Variants in SUSD6 observed in about 807,000 individuals in gnomAD.
SUSD6 encodes sushi domain containing 6, also known as sushi domain-containing protein 6.
In SUSD6, 16 loss-of-function variants were observed where a neutral mutation model predicts 28.4. That is an observed-to-expected ratio of 0.56 (90% CI 0.38 to 0.86). The LOEUF is 0.86. SUSD6 is among the 40% of genes least tolerant of loss of function. The pLI is 0.00. For synonymous variants in SUSD6, 147 were observed against 159.6 expected, an observed-to-expected ratio of 0.92 and a Z score of 0.59; for missense variants, 341 against 384.2, an observed-to-expected ratio of 0.89 and a Z score of 0.94.
intron 2 of SUSD6, among the ~76,000 whole-genome samples, chr14:69,697,130 T>G (rs1156611459): frequency 1.3e-5 from 2 of 152,174 alleles, no homozygotes; most frequent in African/African-American, 4.8e-5. Flanking sequence ...GCCGTGGCAT[T>G]TGTGAACTGT....
intron 1 of SUSD6, among the ~76,000 whole-genome samples, chr14:69,653,968 C>T (rs1222191244): frequency 6.6e-6 from 1 of 152,056 alleles, no homozygotes; most frequent in Non-Finnish European, 1.5e-5. Context: ...TAACCCTTGG[C>T]CTAGCCTTAC....
rs200711922 is a variant in SUSD6 at position 69,651,078 on chromosome 14, A to C, written c.-80-7435A>C. Among the ~76,000 whole-genome samples the C allele has an allele frequency of 5.6e-4, 86 of 152,222 alleles. 2 individuals carry two copies. The East Asian group carries it at 0.015, about 27-fold the overall frequency. On this transcript the variant is annotated intron_variant, in intron 1 of 5. Transcript: ENST00000342745. Reference sequence around the variant, plus strand: ...CTAGAAGACATTCCAGTTTTCTTACAGCTGAAAGGTCCTTTGGGGATCATC... The same window carrying C: ...CTAGAAGACATTCCAGTTTTCTTACCGCTGAAAGGTCCTTTGGGGATCATC...
At chr14:69,611,911 C>G (rs1232852459) in intron 1 of SUSD6, 83 bp downstream of exon 1, 1 of 151,334 alleles carries the variant, frequency 6.6e-6, no homozygotes, top group African/African-American at 2.4e-5. Flanking sequence ...GGCGCGGGAC[C>G]AGCGCGCACC....
intron 2 of SUSD6, among the ~76,000 whole-genome samples, chr14:69,697,233 C>A (rs568748733): frequency 5.4e-4 from 82 of 152,252 alleles, no homozygotes; most frequent in African/African-American, 1.9e-3. Context: ...ACTTTCGTCA[C>A]CATCTTGGTT....
At chr14:69,615,099 C>T (rs2139587274) in intron 1 of SUSD6, among the ~76,000 whole-genome samples, 1 of 152,338 alleles carries the variant, frequency 6.6e-6, no homozygotes, top group Non-Finnish European at 1.5e-5. Context: ...AGCCCCATGT[C>T]TTGTCTTCTT....
chr14:69,712,967 C>T lies in SUSD6; in HGVS notation c.*1988C>T, dbSNP rs545263505. 2 of 152,448 alleles carry T rather than the reference C, an allele frequency of 1.3e-5. No homozygotes were observed. The highest frequency in any genetic ancestry group is 3.9e-4 in the East Asian group (2 of 5,160). The allele number at this position is 152,448 out of a possible 1,614,324, so 9.4% of individuals were successfully genotyped here. On this transcript the variant is annotated 3_prime_UTR_variant, in exon 6 of 6. Coordinates refer to ENST00000342745, the MANE Select transcript of SUSD6 (RefSeq NM_014734.4). The stretch of plus-strand genomic sequence containing the variant: ...TCCCTAATGGCCCCAGTCGCCTTAC[C>T]TCACCCACAGCAGTGCCCTTGTCTT...
In SUSD6 at chr14:69,708,740, A is replaced by G. The variant is rs1257214431; in HGVS notation, c.522A>G (p.Leu174=). 2 of 1,613,274 alleles carry G rather than the reference A, an allele frequency of 1.2e-6. No homozygotes were observed. The highest frequency in any genetic ancestry group is 1.7e-6 in the Non-Finnish European group (2 of 1,179,568). The change falls in exon 5 of 6, where the codon CTA becomes CTG. Residue 174 remains leucine, a synonymous_variant. Transcript: ENST00000342745. ...TGGTGGATGGAGTCCAGGTTGCACT[A>G]CCATCATACGAGGAGGCTGTATATG... ...SIMVDGVQVA[L]PSYEEAVYGS... is the part of the protein sequence containing the mutation.
intron 2 of SUSD6, among the ~76,000 whole-genome samples, chr14:69,695,426 G>GAGA (rs1004781164): frequency 6.6e-5 from 10 of 152,196 alleles, no homozygotes; most frequent in Admixed American, 5.9e-4. Flanking sequence ...AGGAACCTTG[G>GAGA]AGAGGTAGTG....
chr14:69,665,942 T>TA (rs1885733467), intron 2 of SUSD6, among the ~76,000 whole-genome samples: 1 of 152,222 alleles, frequency 6.6e-6, no homozygotes, highest in African/African-American at 2.4e-5. Context: ...TAAGATAGTA[T>TA]ATGTAAGGCA....
intron 1 of SUSD6, among the ~76,000 whole-genome samples, chr14:69,655,078 C>T (rs1384756123): frequency 6.6e-6 from 1 of 152,030 alleles, no homozygotes; most frequent in African/African-American, 2.4e-5. Context: ...TAGGCATGAG[C>T]CACTGTGCCC....
intron 2 of SUSD6, among the ~76,000 whole-genome samples, chr14:69,694,437 A>G (rs1199912670): frequency 6.6e-6 from 1 of 152,216 alleles, no homozygotes; most frequent in Non-Finnish European, 1.5e-5. Flanking sequence ...GTGCAACCCC[A>G]GGCCGTGAAG....
chr14:69,657,711 G>A (rs1009252449), intron 1 of SUSD6, among the ~76,000 whole-genome samples: 2 of 152,190 alleles, frequency 1.3e-5, no homozygotes, highest in Non-Finnish European at 2.9e-5. Context: ...GTATTGTAAT[G>A]TATCGTCAAC....
chr14:69,639,398 C>A (rs1169536286), intron 1 of SUSD6, among the ~76,000 whole-genome samples: 2 of 147,008 alleles, frequency 1.4e-5, no homozygotes, highest in African/African-American at 5.0e-5. Flanking sequence ...AACTTTTACT[C>A]TTTTCCAGTT....
intron 2 of SUSD6, among the ~76,000 whole-genome samples, chr14:69,672,054 TC>T (rs1566600368): frequency 6.6e-6 from 1 of 152,216 alleles, no homozygotes; most frequent in Non-Finnish European, 1.5e-5. Context: ...ATTTTTTCAG[TC>T]AGCATCTCTT....
chr14:69,625,443 G>A (rs1481245715), intron 1 of SUSD6, among the ~76,000 whole-genome samples: 1 of 152,182 alleles, frequency 6.6e-6, no homozygotes, highest in Non-Finnish European at 1.5e-5. Flanking sequence ...CAGCAGAAAC[G>A]GGGCTGACGC....
At chr14:69,631,726 A>G (rs931161312) in intron 1 of SUSD6, among the ~76,000 whole-genome samples, 18 of 152,228 alleles carry the variant, frequency 1.2e-4, no homozygotes, top group Admixed American at 1.0e-3. Flanking sequence ...ATGACAAAAC[A>G]TCCCTGTCCC....
chr14:69,697,205 G>A (rs1027959232), intron 2 of SUSD6, among the ~76,000 whole-genome samples: 1 of 152,176 alleles, frequency 6.6e-6, no homozygotes, highest in Non-Finnish European at 1.5e-5. Context: ...ATAATGAGCA[G>A]TGAGGACACC....
chr14:69,668,168 A>G (rs1885772821), intron 2 of SUSD6, among the ~76,000 whole-genome samples: 1 of 152,180 alleles, frequency 6.6e-6, no homozygotes. Context: ...GGAGCACGTG[A>G]AAGTGTTTTC....
chr14:69,614,058 G>C (rs1388648934), intron 1 of SUSD6, among the ~76,000 whole-genome samples: 1 of 152,124 alleles, frequency 6.6e-6, no homozygotes, highest in Non-Finnish European at 1.5e-5. Flanking sequence ...GATTGAACTT[G>C]TGTTCTTTTT....
Sources: gnomAD v4.1 joint callset for allele counts (sites outside exome capture counted in the v4.1 genomes callset) on GRCh38, gnomAD v4.1.1 for gene constraint, MANE v1.5 for transcripts, NCBI Gene and HGNC (gene_info 2026-07-23, HGNC 2026-07-21) for gene names.